The following GTF2E2 variants were observed in gnomAD, a reference collection of about 807,000 sequenced individuals.
GTF2E2 encodes transcription initiation factor IIE subunit beta.
A neutral mutation model predicts 40.5 loss-of-function variants in GTF2E2; 21 were observed. The ratio of observed to expected loss-of-function variants is 0.52; its 90% CI spans 0.37 to 0.75. The LOEUF (loss-of-function observed/expected upper bound fraction) is 0.75. Ranked by LOEUF, GTF2E2 falls within the 30% of genes least tolerant of loss-of-function variation. GTF2E2 has a pLI of 0.00. For synonymous variants in GTF2E2, 117 were observed against 121.6 expected, an observed-to-expected ratio of 0.96 and a Z score of 0.25; for missense variants, 298 against 338.4, an observed-to-expected ratio of 0.88 and a Z score of 0.94.
At chr8:30,645,358 C>T (rs921183460) in intron 2 of GTF2E2, 2 of 1,535,548 alleles carry the variant, frequency 1.3e-6, no homozygotes, top group African/African-American at 2.7e-5. Context: ...TTATCAGTAC[C>T]TTGGTTTTCA....
At chr8:30,650,499 G>A (rs13278923) in intron 2 of GTF2E2, among the ~76,000 whole-genome samples, 9,870 of 147,294 alleles carry the variant, frequency 0.067, 411 homozygotes, top group Middle Eastern at 0.12. Context: ...AGACCCACCT[G>A]GGCAACAAAG....
chr8:30,616,085 T>TA (rs753228076), intron 3 of GTF2E2, among the ~76,000 whole-genome samples: 4 of 152,160 alleles, frequency 2.6e-5, no homozygotes, highest in Admixed American at 6.5e-5. Context: ...AAAGGATACA[T>TA]ACTGTATGGC....
At position 30,593,632 on chromosome 8, in the gene GTF2E2, G is replaced by A. The variant is rs568627377; in HGVS notation, c.644-13236C>T. ...CTCAGCTTCCTGAGTAGCACTACGAGACTACAGGTGCACACCACCACACCA... is the reference window on the plus strand; with the variant it reads ...CTCAGCTTCCTGAGTAGCACTACGAAACTACAGGTGCACACCACCACACCA... On this transcript the variant is annotated intron_variant, in intron 6 of 7. Transcript: ENST00000355904. Among the ~76,000 whole-genome samples the A allele has an allele frequency of 3.3e-5, 5 of 152,196 alleles. No homozygotes were observed. The South Asian group carries it at 8.3e-4, about 25-fold the overall frequency.
chr8:30,587,271 A>G (rs1828709469), intron 6 of GTF2E2, among the ~76,000 whole-genome samples: 1 of 152,036 alleles, frequency 6.6e-6, no homozygotes, highest in Non-Finnish European at 1.5e-5. Context: ...AGATTAGCCA[A>G]GTTTGGCAGT....
chr8:30,625,863 T>A (rs1357415314), intron 3 of GTF2E2, among the ~76,000 whole-genome samples: 1 of 152,162 alleles, frequency 6.6e-6, no homozygotes, highest in Non-Finnish European at 1.5e-5. Flanking sequence ...CCTCCCAAAG[T>A]GCTAGGATTA....
In GTF2E2 at chr8:30,580,227, A is replaced by G. The variant is rs552188158; in HGVS notation, c.759+54T>C. The G allele has an allele frequency of 1.0e-4, 98 of 958,106 alleles. No individual in the cohort carries two copies. The African/African-American group carries it at 1.2e-3, about 11-fold the overall frequency. 59.4% of individuals were successfully genotyped at this position (958,106 alleles called of 1,614,324 possible). A position where few individuals can be genotyped will look rare whatever the true frequency, so the allele number is the denominator to read the frequency against. ...CTCTTCAGAGGGCAGAAAGCGGAGC[A>G]GGCTAACAGTTCCCAGGGCAGGGGA... On this transcript the variant is annotated intron_variant, in intron 7 of 7. Coordinates refer to ENST00000355904, the MANE Select transcript of GTF2E2 (RefSeq NM_002095.6).
chr8:30,623,456 T>C (rs1289765266), intron 3 of GTF2E2, among the ~76,000 whole-genome samples: 1 of 151,544 alleles, frequency 6.6e-6, no homozygotes, highest in Non-Finnish European at 1.5e-5. Flanking sequence ...TGTTGGACAT[T>C]TGAGTGCTGC....
intron 3 of GTF2E2, among the ~76,000 whole-genome samples, chr8:30,618,520 A>C (rs890653074): frequency 1.1e-4 from 17 of 152,138 alleles, no homozygotes; most frequent in African/African-American, 4.1e-4. Context: ...AGGATTCTGC[A>C]ACACAGTGAG....
chr8:30,610,893 A>G (rs1021178913), intron 5 of GTF2E2, among the ~76,000 whole-genome samples: 1 of 152,222 alleles, frequency 6.6e-6, no homozygotes, highest in Non-Finnish European at 1.5e-5. Flanking sequence ...CAACCTACAG[A>G]ATGGGAGAAA....
intron 2 of GTF2E2, among the ~76,000 whole-genome samples, chr8:30,647,318 C>A (rs151217462): frequency 6.6e-6 from 1 of 152,292 alleles, no homozygotes; most frequent in East Asian, 1.9e-4. Context: ...CGGTGGCTCA[C>A]GCCTGCAATC....
intron 6 of GTF2E2, chr8:30,597,356 C>T (rs1366343351): frequency 6.6e-6 from 1 of 152,170 alleles, no homozygotes. Context: ...CCAGGGGGAA[C>T]AGTAAGGGAC....
At chr8:30,648,226 A>C (rs1802161590) in intron 2 of GTF2E2, among the ~76,000 whole-genome samples, 1 of 152,234 alleles carries the variant, frequency 6.6e-6, no homozygotes, top group Admixed American at 6.5e-5. Context: ...ACTAGGACAG[A>C]GTACAAGGAG....
chr8:30,646,608 G>A (rs907563603), intron 2 of GTF2E2, among the ~76,000 whole-genome samples: 2 of 152,062 alleles, frequency 1.3e-5, no homozygotes, highest in African/African-American at 4.8e-5. Flanking sequence ...TTTTTACAAT[G>A]GCATTACTCA....
intron 2 of GTF2E2, among the ~76,000 whole-genome samples, chr8:30,635,998 T>C (rs1411908747): frequency 2.0e-5 from 3 of 152,212 alleles, no homozygotes; most frequent in Non-Finnish European, 2.9e-5. Flanking sequence ...TGAACATGGA[T>C]GCTTACTTTA....
chr8:30,595,665 A>G (rs1414673872), intron 6 of GTF2E2, among the ~76,000 whole-genome samples: 2 of 152,134 alleles, frequency 1.3e-5, no homozygotes, highest in Admixed American at 6.6e-5. Context: ...CCCCATCTCT[A>G]CTAGAAATAC....
Position 30,579,044 on chromosome 8 carries a change from G to A in GTF2E2, c.760-7C>T, listed in dbSNP as rs762264021. The A allele has an allele frequency of 2.7e-6, 4 of 1,455,194 alleles. No homozygotes were observed. The South Asian group carries it at 4.6e-5, about 17-fold the overall frequency. The allele number at this position is 1,455,194 out of a possible 1,614,324, so 90.1% of individuals were successfully genotyped here. A position where few individuals can be genotyped will look rare whatever the true frequency, so the allele number is the denominator to read the frequency against. On this transcript the variant is annotated splice_region_variant and splice_polypyrimidine_tract_variant and intron_variant, in intron 7 of 7. Transcript: ENST00000355904. The stretch of plus-strand genomic sequence containing the variant: ...TCCTTCTCTGAATAGGGGCCTAAAG[G>A]AAAAGGTAAAAACAATTAGAAACAA...
chr8:30,644,346 C>A (rs1354058283), intron 2 of GTF2E2: 4 of 152,120 alleles, frequency 2.6e-5, no homozygotes, highest in Non-Finnish European at 4.4e-5. Context: ...GTCTATGGGT[C>A]ACTCAGGTAT....
chr8:30,621,256 T>C (rs763542033), intron 3 of GTF2E2, among the ~76,000 whole-genome samples: 8 of 152,102 alleles, frequency 5.3e-5, no homozygotes, highest in East Asian at 1.9e-4. Flanking sequence ...CCTTGTACTA[T>C]TGTTTTTAAA....
At chr8:30,597,964 T>C (rs192272400) in intron 6 of GTF2E2, among the ~76,000 whole-genome samples, 2 of 152,368 alleles carry the variant, frequency 1.3e-5, no homozygotes, top group East Asian at 3.9e-4. Flanking sequence ...ATTTTACATG[T>C]CAAACTTATT....
Sources: allele counts gnomAD v4.1 joint callset (sites outside exome capture counted in the v4.1 genomes callset), GRCh38; gene constraint gnomAD v4.1.1; transcripts MANE v1.5; gene names NCBI Gene and HGNC (gene_info 2026-07-23, HGNC 2026-07-21).